TMEM72: variants seen among roughly 807,000 people sequenced by gnomAD.
The protein encoded by TMEM72 is kidney-specific secretory protein of 37 kDa.
Under a neutral mutation model 16.3 loss-of-function variants are expected in TMEM72, and 9 were observed. The observed-to-expected ratio is 0.55, with a 90% CI of 0.33 to 0.96. The LOEUF (loss-of-function observed/expected upper bound fraction) is 0.96, where lower values mean the gene tolerates loss of function less well. Among genes scored for constraint, TMEM72 ranks in the 40% least tolerant of loss-of-function variants. The pLI, the probability that TMEM72 is intolerant of heterozygous loss-of-function variation, is 0.03. For synonymous variants in TMEM72, 160 were observed against 146.5 expected, an observed-to-expected ratio of 1.09 and a Z score of -0.66; for missense variants, 324 against 337.8, an observed-to-expected ratio of 0.96 and a Z score of 0.32.
chr10:44,921,361 C>T lies in TMEM72; in HGVS notation c.71-6560C>T, dbSNP rs114031636. On this transcript the variant is annotated intron_variant, in intron 1 of 4. Transcript: ENST00000389583. Reference sequence around the variant, plus strand: ...AGGGAGGGATGGAAGGAGTCAAAGGCCACTAATGGCCGTGTCAAGCAGTGC... The same window carrying T: ...AGGGAGGGATGGAAGGAGTCAAAGGTCACTAATGGCCGTGTCAAGCAGTGC... 5.0e-3 allele frequency among the ~76,000 whole-genome samples: 753 copies of T among 152,034 alleles called. 5 individuals are homozygous for T. The highest frequency in any genetic ancestry group is 0.017 in the African/African-American group (712 of 41,428).
At chr10:44,918,613 TATATC>T (rs1840045880) in intron 1 of TMEM72, among the ~76,000 whole-genome samples, 2 of 152,222 alleles carry the variant, frequency 1.3e-5, no homozygotes, top group South Asian at 2.1e-4. Flanking sequence ...GAAAGAATGA[TATATC>T]ATAATCAAGT....
At chr10:44,917,989 G>A (rs567749406) in intron 1 of TMEM72, among the ~76,000 whole-genome samples, 1 of 152,296 alleles carries the variant, frequency 6.6e-6, no homozygotes, top group South Asian at 2.1e-4. Context: ...ATTGGACTTA[G>A]AGTTCCATGT....
chr10:44,920,904 CTCCTAGCTT>C (rs1840085747), intron 1 of TMEM72, among the ~76,000 whole-genome samples: 1 of 152,208 alleles, frequency 6.6e-6, no homozygotes, highest in Non-Finnish European at 1.5e-5. Flanking sequence ...GTGCAGCCCC[CTCCTAGCTT>C]TCGTCAACCC....
intron 1 of TMEM72, among the ~76,000 whole-genome samples, chr10:44,913,494 A>C (rs1397157536): frequency 6.6e-6 from 1 of 152,148 alleles, no homozygotes; most frequent in Non-Finnish European, 1.5e-5. Flanking sequence ...GTGCGCGCGC[A>C]CATAGGGCTC....
In TMEM72 at chr10:44,918,382, G is replaced by A. The variant is rs562045340; in HGVS notation, c.70+6800G>A. On this transcript the variant is annotated intron_variant, in intron 1 of 4. Coordinates refer to ENST00000389583, the MANE Select transcript of TMEM72 (RefSeq NM_001123376.3). Reference sequence around the variant, plus strand: ...AAAGAGTGGGGTATCAGCACAGATGGCCTCACAGGTGAATTCTACCAACAC... The same window carrying A: ...AAAGAGTGGGGTATCAGCACAGATGACCTCACAGGTGAATTCTACCAACAC... Among the ~76,000 whole-genome samples the A allele has an allele frequency of 4.6e-5, 7 of 152,200 alleles. No individual in the cohort carries two copies. The East Asian group carries it at 1.2e-3, about 25-fold the overall frequency.
chr10:44,934,987 C>T lies in TMEM72; in HGVS notation c.681C>T (p.Asn227=). The T allele has an allele frequency of 6.2e-7, 1 of 1,614,154 alleles. No homozygotes were observed. Residue 227 remains asparagine (N), a synonymous_variant, in exon 5 of 5, where the codon AAC becomes AAT. Transcript: ENST00000389583. ...AKKKQVHFED[N]LVRIVPSLAE... is the part of the protein sequence containing the mutation. The stretch of plus-strand genomic sequence containing the variant: ...AGAAGCAGGTGCACTTTGAAGACAA[C>T]TTGGTCCGCATAGTCCCCTCCCTCG...
intron 1 of TMEM72, among the ~76,000 whole-genome samples, chr10:44,915,365 C>A (rs1455079128): frequency 6.6e-6 from 1 of 151,534 alleles, no homozygotes; most frequent in Non-Finnish European, 1.5e-5. Context: ...ATCCTCCTGT[C>A]ATTGGGAGCA....
chr10:44,930,857 G>A (rs1456525341), intron 2 of TMEM72, among the ~76,000 whole-genome samples: 5 of 152,192 alleles, frequency 3.3e-5, no homozygotes, highest in African/African-American at 1.2e-4. Flanking sequence ...AGGAAACTAA[G>A]ACAGAGAAAG....
chr10:44,935,968 G>A lies in TMEM72; in HGVS notation c.*834G>A, dbSNP rs10900132. On this transcript the variant is annotated 3_prime_UTR_variant, in exon 5 of 5. Coordinates refer to ENST00000389583, the MANE Select transcript of TMEM72 (RefSeq NM_001123376.3). The stretch of plus-strand genomic sequence containing the variant: ...CACAGCACAGAGAAGTGTCAGTGCC[G>A]TGTTTAGGCACTTGGTAGCAGAATA... 119,833 of 152,218 alleles carry A rather than the reference G, an allele frequency of 0.79. 48,045 individuals carry two copies. The highest frequency in any genetic ancestry group is 0.91 in the African/African-American group (37,608 of 41,550). The allele number at this position is 152,218 out of a possible 1,614,324, so 9.4% of individuals were successfully genotyped here. A position where few individuals can be genotyped will look rare whatever the true frequency, so the allele number is the denominator to read the frequency against.
chr10:44,919,283 T>G (rs1373978064), intron 1 of TMEM72, among the ~76,000 whole-genome samples: 1 of 152,196 alleles, frequency 6.6e-6, no homozygotes, highest in Non-Finnish European at 1.5e-5. Context: ...GTCAGCATTG[T>G]ACTGGAGGTT....
In TMEM72 at chr10:44,928,704, A is replaced by G. The variant is rs145345266; in HGVS notation, c.137+717A>G. Among the ~76,000 whole-genome samples, 474 of 103,110 alleles carry G rather than the reference A, an allele frequency of 4.6e-3. 59 individuals carry two copies. The highest frequency in any genetic ancestry group is 0.017 in the African/African-American group (440 of 25,632). The allele number at this position is 103,110 out of a possible 152,430, so 67.6% of individuals were successfully genotyped here. A position where few individuals can be genotyped will look rare whatever the true frequency, so the allele number is the denominator to read the frequency against. On this transcript the variant is annotated intron_variant, in intron 2 of 4. Coordinates refer to ENST00000389583, the MANE Select transcript of TMEM72 (RefSeq NM_001123376.3). ...CACCTATCCATTTATTCACCCATCC[A>G]TCTATTCATCCATTCACTCACCCAT...
At chr10:44,929,406 C>T (rs1038083066) in intron 2 of TMEM72, among the ~76,000 whole-genome samples, 1 of 152,232 alleles carries the variant, frequency 6.6e-6, no homozygotes, top group African/African-American at 2.4e-5. Context: ...ATTTGCCAGG[C>T]TGCCCCACAA....
At chr10:44,925,467 C>T (rs902344202) in intron 1 of TMEM72, among the ~76,000 whole-genome samples, 2 of 152,232 alleles carry the variant, frequency 1.3e-5, no homozygotes, top group Non-Finnish European at 2.9e-5. Flanking sequence ...CAGGCATCAG[C>T]CTGGAGTCGA....
At chr10:44,928,023 A>G (rs1194631197) in intron 2 of TMEM72, 36 bp downstream of exon 2, 2 of 1,608,410 alleles carry the variant, frequency 1.2e-6, no homozygotes, top group Non-Finnish European at 1.7e-6. Context: ...TTGACCTGCA[A>G]GTTCTGCTCA....
intron 1 of TMEM72, 96 bp downstream of exon 1, chr10:44,911,678 T>A (rs2132706269): frequency 3.7e-6 from 5 of 1,355,758 alleles, no homozygotes; most frequent in Non-Finnish European, 5.1e-6. Context: ...AGCAGGCACA[T>A]CTGGCCACTT....
At chr10:44,915,715 C>T (rs569223460) in intron 1 of TMEM72, among the ~76,000 whole-genome samples, 132 of 152,250 alleles carry the variant, frequency 8.7e-4, no homozygotes, top group African/African-American at 3.1e-3. Flanking sequence ...GACACACGTA[C>T]AGTGAAGCAC....
chr10:44,932,040 T>C lies in TMEM72; in HGVS notation c.180T>C (p.Phe60=), dbSNP rs1157555194. ...TCTCCATATGTGAAGGGGCCTACTT[T>C]GTGGCTCAGCTGCTGGCCATCTGCT... ...AAVSICEGAY[F]VAQLLAICFQ... Residue 60 remains phenylalanine (F), a synonymous_variant, in exon 3 of 5, where the codon TTT becomes TTC. Transcript: ENST00000389583. 1 of 1,613,398 alleles carries C rather than the reference T, an allele frequency of 6.2e-7. No homozygotes were observed. The highest frequency in any genetic ancestry group is 1.3e-5 in the African/African-American group (1 of 74,926).
intron 1 of TMEM72, among the ~76,000 whole-genome samples, chr10:44,925,246 A>G (rs1368060338): frequency 2.6e-5 from 4 of 152,156 alleles, no homozygotes; most frequent in Non-Finnish European, 4.4e-5. Flanking sequence ...TGCCCCTCTG[A>G]CCGCTGACCC....
At chr10:44,911,947 G>A (rs17157225) in intron 1 of TMEM72, among the ~76,000 whole-genome samples, 2,311 of 152,320 alleles carry the variant, frequency 0.015, 53 homozygotes, top group African/African-American at 0.05. Context: ...GCTGGGCTTC[G>A]CTGTGTATCT....
Sources: allele counts gnomAD v4.1 joint callset (sites outside exome capture counted in the v4.1 genomes callset), GRCh38; gene constraint gnomAD v4.1.1; transcripts MANE v1.5; gene names NCBI Gene and HGNC (gene_info 2026-07-23, HGNC 2026-07-21).